Variants in ACSL3 observed in about 807,000 individuals in gnomAD.
The protein encoded by ACSL3 is fatty acid CoA ligase Acsl3.
Under a neutral mutation model 84.7 loss-of-function variants are expected in ACSL3, and 34 were observed. That is an observed-to-expected ratio of 0.40 (90% CI 0.31 to 0.53). The LOEUF (loss-of-function observed/expected upper bound fraction) is 0.53, where lower values mean the gene tolerates loss of function less well. Ranked by LOEUF, ACSL3 falls within the 20% of genes least tolerant of loss-of-function variation. ACSL3 has a pLI of 0.48. For synonymous variants in ACSL3, 315 were observed against 299.4 expected (o/e 1.05, Z -0.54); for missense variants, 680 against 873.1 (o/e 0.78, Z 2.79).
At chr2:222,873,784 T>C (rs1695369658) in intron 1 of ACSL3, among the ~76,000 whole-genome samples, 1 of 152,228 alleles carries the variant, frequency 6.6e-6, no homozygotes, top group Admixed American at 6.5e-5. Context: ...ATTTCCCAAT[T>C]ATTAGATTTG....
chr2:222,939,235 T>A (rs1445090705), intron 16 of ACSL3, among the ~76,000 whole-genome samples: 1 of 152,220 alleles, frequency 6.6e-6, no homozygotes, highest in African/African-American at 2.4e-5. Context: ...TTTCTCTGTC[T>A]TACAGTCTGC....
chr2:222,918,144 A>G lies in ACSL3; in HGVS notation c.655A>G (p.Thr219Ala). 1.2e-6 allele frequency: 2 copies of G among 1,608,096 alleles called. No individual in the cohort carries two copies. The highest frequency in any genetic ancestry group is 1.1e-5 in the South Asian group (1 of 90,626). The stretch of plus-strand genomic sequence containing the variant: ...CATTACTAGTAAAGAACTCTTACAA[A>G]CAAAGTTGAAGGTGAGGACTCTAGT... Reference protein sequence around the residue: ...NIITSKELLQTKLKDIVSLVP... With the variant: ...NIITSKELLQAKLKDIVSLVP... Residue 219 changes from threonine (T) to alanine (A), a missense_variant, in exon 6 of 17, where the codon ACA (threonine) becomes GCA (alanine). Physicochemically the swap from Thr to Ala is moderately conservative, Grantham distance 58. Transcript: ENST00000357430.
At chr2:222,882,218 T>TC (rs1181747049) in intron 1 of ACSL3, among the ~76,000 whole-genome samples, 12 of 152,348 alleles carry the variant, frequency 7.9e-5, no homozygotes, top group Middle Eastern at 3.4e-3. Context: ...GTAAATTTTC[T>TC]AAGTCCTTGA....
At chr2:222,901,964 A>AAAAAGTG (rs57522671) in intron 3 of ACSL3, among the ~76,000 whole-genome samples, 1 of 99,456 alleles carries the variant, frequency 1.0e-5, no homozygotes, top group Non-Finnish European at 1.8e-5. Context: ...AAAAAAAAAA[A>AAAAAGTG]GAACTCAAAT....
At position 222,908,980 on chromosome 2, in the gene ACSL3, T is replaced by A. The variant is rs1334290367; in HGVS notation, c.208T>A (p.Ser70Thr). Residue 70 changes from serine to threonine, a missense_variant, in exon 4 of 17, where the codon TCT becomes ACT. Ser to Thr is a moderately conservative substitution (Grantham distance 58). Coordinates refer to ENST00000357430, the MANE Select transcript of ACSL3 (RefSeq NM_004457.5). ...TTCAAAACCTGATTCTGCATACAGA[T>A]CTGTTAATAGTTTGGATGGTTTGGC... ...VNSKPDSAYRSVNSLDGLASV... is the reference protein window; with the variant it reads ...VNSKPDSAYRTVNSLDGLASV... 1.2e-6 allele frequency: 2 copies of A among 1,613,748 alleles called. No individual in the cohort carries two copies. The highest frequency in any genetic ancestry group is 1.7e-6 in the Non-Finnish European group (2 of 1,179,858).
chr2:222,916,348 C>A lies in ACSL3; in HGVS notation c.408C>A (p.Ser136=), dbSNP rs752357420. The A allele has an allele frequency of 6.2e-7, 1 of 1,612,878 alleles. No individual in the cohort carries two copies. Among genetic ancestry groups the A allele is most frequent in the East Asian group, 2.2e-5 (1 of 44,858 alleles). ...TTCTTGGACAGTATAATTGGCTTTC[C>A]TATGAAGATGTCTTTGTTCGAGCCT... ...KVILGQYNWL[S]YEDVFVRAFN... The change falls in exon 5 of 17, where the codon TCC becomes TCA. Residue 136 remains serine (S), a synonymous_variant. Coordinates refer to ENST00000357430, the MANE Select transcript of ACSL3 (RefSeq NM_004457.5).
chr2:222,916,292 T>TA lies in ACSL3; in HGVS notation c.379-20dup, dbSNP rs71408546. ...CTGTAAATTATTATTTTGATTACAT[T>TA]AAAAAAATTTTTTTTTGTTTTATCA... On this transcript the variant is annotated intron_variant, in intron 4 of 16. Coordinates refer to ENST00000357430, the MANE Select transcript of ACSL3 (RefSeq NM_004457.5). The TA allele has an allele frequency of 4.9e-5, 69 of 1,404,500 alleles. 1 individual carries two copies. Among genetic ancestry groups the TA allele is most frequent in the Admixed American group, 1.2e-4 (5 of 41,532 alleles). 87.0% of individuals were successfully genotyped at this position (1,404,500 alleles called of 1,614,324 possible). A position where few individuals can be genotyped will look rare whatever the true frequency, so the allele number is the denominator to read the frequency against.
intron 11 of ACSL3, among the ~76,000 whole-genome samples, chr2:222,925,494 G>A (rs1297679009): frequency 1.3e-5 from 2 of 152,158 alleles, no homozygotes; most frequent in Non-Finnish European, 2.9e-5. Flanking sequence ...TTCAGGGACT[G>A]AAGTAGGAGG....
At chr2:222,879,936 G>A (rs1202655032) in intron 1 of ACSL3, among the ~76,000 whole-genome samples, 1 of 151,862 alleles carries the variant, frequency 6.6e-6, no homozygotes, top group African/African-American at 2.4e-5. Context: ...GGGAGCTGTG[G>A]AAGAGAGGTA....
intron 15 of ACSL3, 81 bp from the exon 16 acceptor site, chr2:222,934,449 A>G: frequency 8.6e-7 from 1 of 1,167,360 alleles, no homozygotes; most frequent in Non-Finnish European, 1.1e-6. Flanking sequence ...GGAGTTATTT[A>G]CTACTTGTCA....
chr2:222,943,312 G>A lies in ACSL3; in HGVS notation c.*1658G>A, dbSNP rs1697376832. On this transcript the variant is annotated 3_prime_UTR_variant, in exon 17 of 17. Coordinates refer to ENST00000357430, the MANE Select transcript of ACSL3 (RefSeq NM_004457.5). ...TTTTCATAATTAAATATTAATGTTTGGGATAACTGCCAAGAAGAAGTAAAA... is the reference window on the plus strand; with the variant it reads ...TTTTCATAATTAAATATTAATGTTTAGGATAACTGCCAAGAAGAAGTAAAA... 5.2e-6 allele frequency: 1 copy of A among 192,778 alleles called. No homozygotes were observed. 11.9% of individuals were successfully genotyped at this position (192,778 alleles called of 1,614,324 possible).
chr2:222,907,724 A>C (rs1046618711), intron 3 of ACSL3, among the ~76,000 whole-genome samples: 1 of 149,734 alleles, frequency 6.7e-6, no homozygotes, highest in Non-Finnish European at 1.5e-5. Flanking sequence ...ATAATCTTGT[A>C]CTGTACTCTA....
At chr2:222,901,451 T>C (rs1696147028) in intron 3 of ACSL3, among the ~76,000 whole-genome samples, 1 of 152,184 alleles carries the variant, frequency 6.6e-6, no homozygotes, top group South Asian at 2.1e-4. Context: ...CTTAATTACT[T>C]TTCCTTTATA....
chr2:222,872,528 G>A (rs980918091), intron 1 of ACSL3, among the ~76,000 whole-genome samples: 1 of 152,130 alleles, frequency 6.6e-6, no homozygotes, highest in Non-Finnish European at 1.5e-5. Flanking sequence ...CGGTGTGATG[G>A]ATGCTCCCAC....
In ACSL3 at chr2:222,864,397, A is replaced by G. The variant is rs115081986; in HGVS notation, c.-207+3139A>G. Reference sequence around the variant, plus strand: ...GCCTGTGGGGAGGCTATAGAATAAGAAGAGAAGGAGGCCTGGGATGGAGCT... The same window carrying G: ...GCCTGTGGGGAGGCTATAGAATAAGGAGAGAAGGAGGCCTGGGATGGAGCT... On this transcript the variant is annotated intron_variant, in intron 1 of 16. Transcript: ENST00000357430. 7.4e-3 allele frequency among the ~76,000 whole-genome samples: 1,130 copies of G among 152,266 alleles called. 21 individuals are homozygous for G. The highest frequency in any genetic ancestry group is 0.025 in the African/African-American group (1,053 of 41,548).
intron 2 of ACSL3, among the ~76,000 whole-genome samples, chr2:222,893,685 T>C (rs1695895591): frequency 6.6e-6 from 1 of 151,914 alleles, no homozygotes; most frequent in East Asian, 1.9e-4. Context: ...TCTTTTCTCT[T>C]TTTCTTCCTT....
intron 1 of ACSL3, among the ~76,000 whole-genome samples, chr2:222,868,666 G>A (rs1695215688): frequency 6.6e-6 from 1 of 152,154 alleles, no homozygotes; most frequent in African/African-American, 2.4e-5. Flanking sequence ...TTAGGATTTG[G>A]TTGGGCATGG....
rs770784974 is a variant in ACSL3 at position 222,941,526 on chromosome 2, A to G, written c.2035A>G (p.Lys679Glu). ...TCTGGAAAAGTTTGAAATTCCAGTA[A>G]AAATTCGTTTGAGTCCTGAACCGTG... ...ASLEKFEIPV[K>E]IRLSPEPWTP... The change falls in exon 17 of 17, where the codon AAA (lysine) becomes GAA (glutamate). Residue 679 changes from lysine to glutamate, a missense_variant. This residue lies in a region of ACSL3 where 347 missense variants were observed against 525.7 expected (regional missense o/e 0.66). Coordinates refer to ENST00000357430, the MANE Select transcript of ACSL3 (RefSeq NM_004457.5). 3 of 1,609,034 alleles carry G rather than the reference A, an allele frequency of 1.9e-6. No individual in the cohort carries two copies. In the African/African-American group the frequency reaches 4.0e-5, roughly 22 times the overall value.
At chr2:222,936,564 C>T (rs1186628570) in intron 16 of ACSL3, among the ~76,000 whole-genome samples, 2 of 151,852 alleles carry the variant, frequency 1.3e-5, no homozygotes, top group East Asian at 1.9e-4. Context: ...AGAAAATTGT[C>T]GATTCAAGTC....
Sources: allele counts gnomAD v4.1 joint callset (sites outside exome capture counted in the v4.1 genomes callset), GRCh38; gene constraint gnomAD v4.1.1; regional missense constraint gnomAD v4.1.1; transcripts MANE v1.5; gene names NCBI Gene and HGNC (gene_info 2026-07-23, HGNC 2026-07-21).